Variants in TAF6L observed in about 807,000 individuals in gnomAD.
TAF6L encodes the protein TAF6-like RNA polymerase II p300/CBP-associated factor-associated factor 65 kDa subunit 6L.
TAF6L carries 34 observed loss-of-function variants against 57.3 expected under a neutral mutation model. The ratio of observed to expected loss-of-function variants is 0.59; its 90% CI spans 0.45 to 0.79. The LOEUF is 0.79. TAF6L is among the 30% of genes least tolerant of loss of function. The pLI, the probability that TAF6L is intolerant of heterozygous loss-of-function variation, is 0.00. For synonymous variants in TAF6L, 417 were observed against 376.3 expected, an observed-to-expected ratio of 1.11 and a Z score of -1.25; for missense variants, 782 against 853.2, an observed-to-expected ratio of 0.92 and a Z score of 1.04.
Position 62,782,774 on chromosome 11 carries a change from G to C in TAF6L, c.909G>C (p.Pro303=). The C allele has an allele frequency of 6.2e-7, 1 of 1,613,464 alleles. No homozygotes were observed. The highest frequency in any genetic ancestry group is 8.5e-7 in the Non-Finnish European group (1 of 1,180,020). Residue 303 remains proline (P), a synonymous_variant, in exon 9 of 11, where the codon CCG becomes CCC. Coordinates refer to ENST00000294168, the MANE Select transcript of TAF6L (RefSeq NM_006473.4). ...AGATCCTGGCAGATCCTGTGCGGCCGCTCTGCTGCCACTATGGAGCCGTGG... is the reference window on the plus strand; with the variant it reads ...AGATCCTGGCAGATCCTGTGCGGCCCCTCTGCTGCCACTATGGAGCCGTGG... The part of the protein sequence containing the change: ...LQKILADPVR[P]LCCHYGAVVG...
intron 3 of TAF6L, among the ~76,000 whole-genome samples, 161 bp from the exon 4 acceptor site, chr11:62,777,817 C>T (rs1335538566): frequency 6.6e-6 from 1 of 152,172 alleles, no homozygotes; most frequent in African/African-American, 2.4e-5. Context: ...GGCAAGTCCC[C>T]AGTGGTGGCT....
At chr11:62,784,017 C>G (rs369508106) in intron 9 of TAF6L, among the ~76,000 whole-genome samples, 1 of 1,684 alleles carries the variant, frequency 5.9e-4, no homozygotes, top group African/African-American at 2.0e-3. Context: ...GCGACAGAGT[C>G]TCACACTGTC....
intron 6 of TAF6L, among the ~76,000 whole-genome samples, chr11:62,779,344 G>A (rs1057302450): frequency 6.6e-6 from 1 of 151,926 alleles, no homozygotes; most frequent in African/African-American, 2.4e-5. Flanking sequence ...ACAGGTGCCC[G>A]CCAACATACC....
intron 5 of TAF6L, chr11:62,778,647 C>A: frequency 1.6e-6 from 1 of 612,164 alleles, no homozygotes; most frequent in Non-Finnish European, 2.9e-6. Context: ...AGGAGTCCGT[C>A]TGGCAGAGGG....
intron 1 of TAF6L, 29 bp downstream of exon 1, chr11:62,771,519 C>T: frequency 6.3e-6 from 1 of 158,448 alleles, no homozygotes; most frequent in Non-Finnish European, 1.4e-5. Context: ...GGTCCAAGGA[C>T]TCCCCATTCC....
At chr11:62,779,952 C>CTATATA (rs1225374367) in intron 6 of TAF6L, among the ~76,000 whole-genome samples, 39 of 100,054 alleles carry the variant, frequency 3.9e-4, no homozygotes, top group African/African-American at 6.2e-4. Flanking sequence ...AGGCGTGAGC[C>CTATATA]TATATATATA....
intron 6 of TAF6L, among the ~76,000 whole-genome samples, chr11:62,780,039 T>C (rs1165846692): frequency 2.1e-5 from 3 of 143,796 alleles, no homozygotes; most frequent in Non-Finnish European, 4.5e-5. Flanking sequence ...GTGAAACTCC[T>C]GCCCTCAAGC....
At position 62,775,863 on chromosome 11, in the gene TAF6L, A is replaced by T. The variant is rs1264594795; in HGVS notation, c.80A>T (p.Glu27Val). ...CTCATGGCGGAGAGCACGGGCCTGG[A>T]GCTGAGCGATGAGGTGGCGGCGCTG... ...VRLMAESTGL[E>V]LSDEVAALLA... Residue 27 changes from glutamate (E) to valine (V), a missense_variant, in exon 2 of 11, where the codon GAG becomes GTG. Glu to Val is a moderately radical substitution (Grantham distance 121). This residue lies in a region of TAF6L where 220 missense variants were observed against 252.1 expected (regional missense o/e 0.87). Transcript: ENST00000294168. 1 of 1,613,848 alleles carries T rather than the reference A, an allele frequency of 6.2e-7. No homozygotes were observed. The highest frequency in any genetic ancestry group is 1.1e-5 in the South Asian group (1 of 91,074).
chr11:62,775,900 C>T lies in TAF6L; in HGVS notation c.117C>T (p.Asp39=), dbSNP rs775897813. ...SDEVAALLAE[D]VCYRLREATQ... Reference sequence around the variant, plus strand: ...AGGTGGCGGCGCTGCTCGCAGAGGACGTGTGCTATCGTCTGAGAGAGGCCA... The same window carrying T: ...AGGTGGCGGCGCTGCTCGCAGAGGATGTGTGCTATCGTCTGAGAGAGGCCA... Residue 39 remains aspartate, a synonymous_variant, in exon 2 of 11, where the codon GAC becomes GAT. Transcript: ENST00000294168. The T allele has an allele frequency of 1.1e-5, 18 of 1,613,234 alleles. No individual in the cohort carries two copies. The highest frequency in any genetic ancestry group is 1.1e-4 in the African/African-American group (8 of 74,900).
In TAF6L at chr11:62,777,147, A is replaced by C. The variant is rs1207622200; in HGVS notation, c.234+677A>C. The stretch of plus-strand genomic sequence containing the variant: ...GGGTGACAGAGCAGGACTCCATGTC[A>C]AAAAAAAAAACAACCAAAAAAACAC... On this transcript the variant is annotated intron_variant, in intron 3 of 10. Coordinates refer to ENST00000294168, the MANE Select transcript of TAF6L (RefSeq NM_006473.4). 2.1e-5 allele frequency among the ~76,000 whole-genome samples: 3 copies of C among 140,816 alleles called. No individual in the cohort carries two copies. In the East Asian group the frequency reaches 6.0e-4, roughly 28 times the overall value. The allele number at this position is 140,816 out of a possible 152,430, so 92.4% of individuals were successfully genotyped here.
At chr11:62,785,827 G>A (rs1401598105) in intron 9 of TAF6L, among the ~76,000 whole-genome samples, 2 of 152,212 alleles carry the variant, frequency 1.3e-5, no homozygotes, top group South Asian at 2.1e-4. Context: ...GAGCCACAGC[G>A]CCTGTCCAAT....
rs1245362446 is a variant in TAF6L, at chr11:62,778,245, C to T, written c.386-40C>T. On this transcript the variant is annotated intron_variant, in intron 4 of 10. Transcript: ENST00000294168. ...GAGGGGTAGGCGGTACTCTAAGGGG[C>T]AAAACGCCAGGCTGACACATCTCTC... 9.3e-6 allele frequency: 15 copies of T among 1,613,836 alleles called. No homozygotes were observed. In the African/African-American group the frequency reaches 9.3e-5, roughly 10 times the overall value.
intron 6 of TAF6L, among the ~76,000 whole-genome samples, chr11:62,779,970 A>ATTTTTTTT (rs1263442687): frequency 3.3e-4 from 21 of 64,404 alleles, no homozygotes; most frequent in African/African-American, 8.6e-4. Flanking sequence ...ATATATATAT[A>ATTTTTTTT]TATATATTTT....
chr11:62,781,851 A>G, intron 6 of TAF6L, 43 bp from the exon 7 acceptor site: 1 of 1,561,014 alleles, frequency 6.4e-7, no homozygotes, highest in Non-Finnish European at 8.8e-7. Flanking sequence ...CATGTTTTAC[A>G]ATTTTCTGGT....
At position 62,787,199 on chromosome 11, in the gene TAF6L, C is replaced by T. The variant is rs370253707; in HGVS notation, c.1772C>T (p.Ala591Val). The T allele has an allele frequency of 1.2e-4, 183 of 1,588,444 alleles. No individual in the cohort carries two copies. Among genetic ancestry groups the T allele is most frequent in the Non-Finnish European group, 1.5e-4 (175 of 1,176,070 alleles). The change falls in exon 11 of 11, where the codon GCC (alanine) becomes GTC (valine). Residue 591 changes from alanine to valine, a missense_variant. Transcript: ENST00000294168. ...CCCGCGCCGTACGGGCCTAGCCCGG[C>T]CTCGCGCTACGTGCAGAAACTGCCC... ...AFPAPYGPSP[A>V]SRYVQKLPMI...
At chr11:62,778,601 T>G (rs1182315728) in intron 5 of TAF6L, 1 of 615,070 alleles carries the variant, frequency 1.6e-6, no homozygotes, top group Admixed American at 2.8e-5. Flanking sequence ...ACCCCCAGGG[T>G]ATGCTGAGCA....
Position 62,782,798 on chromosome 11 carries a change from G to C in TAF6L, c.933G>C (p.Val311=). The C allele has an allele frequency of 1.2e-6, 2 of 1,613,944 alleles. No homozygotes were observed. Among genetic ancestry groups the C allele is most frequent in the Non-Finnish European group, 1.7e-6 (2 of 1,180,032 alleles). The change falls in exon 9 of 11, where the codon GTG becomes GTC. Residue 311 remains valine (V), a synonymous_variant. Coordinates refer to ENST00000294168, the MANE Select transcript of TAF6L (RefSeq NM_006473.4). ...CGCTCTGCTGCCACTATGGAGCCGT[G>C]GTGGGGCTGCATGCTCTTGGCTGGA... ...VRPLCCHYGA[V]VGLHALGWKA...
In TAF6L at chr11:62,782,704, A is replaced by G; in HGVS notation, c.839A>G (p.Asp280Gly). Residue 280 changes from aspartate to glycine, a missense_variant, in exon 9 of 11, where the codon GAC becomes GGC. Asp to Gly is a moderately conservative substitution (Grantham distance 94, BLOSUM62 -1). Coordinates refer to ENST00000294168, the MANE Select transcript of TAF6L (RefSeq NM_006473.4). ...TGGTGCTCCCACAGGACTCATGGGG[A>G]CCTTGTAAGTGGCCTCTATCAGCAT... is the stretch of plus-strand genomic sequence containing the variant. ...LLSHIFWTHG[D>G]LVSGLYQHIL... 6.2e-7 allele frequency: 1 copy of G among 1,612,014 alleles called. No individual in the cohort carries two copies. Among genetic ancestry groups the G allele is most frequent in the Non-Finnish European group, 8.5e-7 (1 of 1,179,942 alleles).
At chr11:62,778,213 G>A (rs2084201513) in intron 4 of TAF6L, 72 bp from the exon 5 acceptor site, 2 of 1,613,538 alleles carry the variant, frequency 1.2e-6, no homozygotes, top group African/African-American at 2.7e-5. Context: ...GGAAGAGGCA[G>A]AACTTGGAGG....
Sources: allele counts gnomAD v4.1 joint callset (sites outside exome capture counted in the v4.1 genomes callset), GRCh38; gene constraint gnomAD v4.1.1; regional missense constraint gnomAD v4.1.1; transcripts MANE v1.5; gene names NCBI Gene and HGNC (gene_info 2026-07-23, HGNC 2026-07-21).